ZC3H7B: variants seen among roughly 807,000 people sequenced by gnomAD.
ZC3H7B encodes the protein zinc finger CCCH domain-containing protein 7B.
Under a neutral mutation model 116.0 loss-of-function variants are expected in ZC3H7B, and 35 were observed. The observed-to-expected ratio is 0.30, with a 90% CI of 0.23 to 0.40. ZC3H7B has a LOEUF of 0.40. Ranked by LOEUF, ZC3H7B falls within the 10% of genes least tolerant of loss-of-function variation. The pLI, the probability that ZC3H7B is intolerant of heterozygous loss-of-function variation, is 1.00. For missense variants in ZC3H7B, 1,011 were observed against 1,321.5 expected (o/e 0.77, Z 3.64); for synonymous variants, 502 against 545.6 (o/e 0.92, Z 1.11).
rs1601794011 is a variant in ZC3H7B at position 41,349,447 on chromosome 22, G to A, written c.1948+146G>A. On this transcript the variant is annotated intron_variant, in intron 16 of 22. Transcript: ENST00000352645. The surrounding 1 kb of genome is among the most constrained non-coding windows in gnomAD (Gnocchi z 4.9). Reference sequence around the variant, plus strand: ...GCTTCGGGAGAGTTCAGGAGAGGTGGCTGCGGGGTGGGCTCTCTGTGTGTC... The same window carrying A: ...GCTTCGGGAGAGTTCAGGAGAGGTGACTGCGGGGTGGGCTCTCTGTGTGTC... 2 of 1,049,002 alleles carry A rather than the reference G, an allele frequency of 1.9e-6. No individual in the cohort carries two copies. Among genetic ancestry groups the A allele is most frequent in the East Asian group, 5.2e-5 (2 of 38,262 alleles). 65.0% of individuals were successfully genotyped at this position (1,049,002 alleles called of 1,614,324 possible).
intron 7 of ZC3H7B, chr22:41,335,318 G>T (rs1190953625): frequency 6.6e-6 from 1 of 152,234 alleles, no homozygotes; most frequent in Non-Finnish European, 1.5e-5. Flanking sequence ...GAATTACAAT[G>T]GGTCAATGTG....
chr22:41,347,708 A>T (rs1205039820), intron 14 of ZC3H7B, among the ~76,000 whole-genome samples: 1 of 152,148 alleles, frequency 6.6e-6, no homozygotes, highest in Non-Finnish European at 1.5e-5. Context: ...AACCCCCCAC[A>T]GGGAGCATTG....
intron 2 of ZC3H7B, among the ~76,000 whole-genome samples, chr22:41,324,914 C>T (rs1400840720): frequency 6.6e-6 from 1 of 152,176 alleles, no homozygotes; most frequent in African/African-American, 2.4e-5. Context: ...CTGTCCCTGG[C>T]ACTCCTGCTG....
chr22:41,322,049 T>C (rs111500755), intron 2 of ZC3H7B, among the ~76,000 whole-genome samples: 5,715 of 149,470 alleles, frequency 0.038, 343 homozygotes, highest in African/African-American at 0.13. Flanking sequence ...CCGTTTTAGC[T>C]GGGATGGTCT....
intron 4 of ZC3H7B, 115 bp downstream of exon 4, chr22:41,326,033 C>G: frequency 8.2e-7 from 1 of 1,225,290 alleles, no homozygotes; most frequent in Non-Finnish European, 1.1e-6. Flanking sequence ...CTCCTCCCAG[C>G]CTGCTTTCAG....
At position 41,349,446 on chromosome 22, in the gene ZC3H7B, G is replaced by T. The variant is rs1215615064; in HGVS notation, c.1948+145G>T. ...GGCTTCGGGAGAGTTCAGGAGAGGTGGCTGCGGGGTGGGCTCTCTGTGTGT... is the reference window on the plus strand; with the variant it reads ...GGCTTCGGGAGAGTTCAGGAGAGGTTGCTGCGGGGTGGGCTCTCTGTGTGT... On this transcript the variant is annotated intron_variant, in intron 16 of 22. Coordinates refer to ENST00000352645, the MANE Select transcript of ZC3H7B (RefSeq NM_017590.6). This position sits in a 1 kb window ranked among gnomAD's most constrained non-coding sequence, Gnocchi z 4.9. 1 of 1,076,712 alleles carries T rather than the reference G, an allele frequency of 9.3e-7. No homozygotes were observed. Among genetic ancestry groups the T allele is most frequent in the Non-Finnish European group, 1.3e-6 (1 of 761,884 alleles). The allele number at this position is 1,076,712 out of a possible 1,614,324, so 66.7% of individuals were successfully genotyped here. A position where few individuals can be genotyped will look rare whatever the true frequency, so the allele number is the denominator to read the frequency against.
In ZC3H7B at chr22:41,327,425, G is replaced by A; in HGVS notation, c.444+61G>A. ...CAGAGGCCAGGCTTCTGACCTTCCG[G>A]CCCTCACTTGGGCCCAGCCACCACA... is the stretch of plus-strand genomic sequence containing the variant. On this transcript the variant is annotated intron_variant, in intron 5 of 22. Coordinates refer to ENST00000352645, the MANE Select transcript of ZC3H7B (RefSeq NM_017590.6). The surrounding 1 kb of genome is among the most constrained non-coding windows in gnomAD (Gnocchi z 4.5). 9.5e-6 allele frequency: 15 copies of A among 1,577,042 alleles called. No individual in the cohort carries two copies. The highest frequency in any genetic ancestry group is 1.2e-5 in the Non-Finnish European group (14 of 1,165,912).
At chr22:41,337,671 A>T (rs753590631) in intron 7 of ZC3H7B, among the ~76,000 whole-genome samples, 26 of 151,878 alleles carry the variant, frequency 1.7e-4, no homozygotes, top group Non-Finnish European at 2.6e-4. Flanking sequence ...GCTTGCTAAG[A>T]CCCTTGCCAC....
chr22:41,329,031 CAAA>C (rs905189346), intron 5 of ZC3H7B, among the ~76,000 whole-genome samples: 1,299 of 40,436 alleles, frequency 0.032, 19 homozygotes, highest in African/African-American at 0.087. Flanking sequence ...TACTAAAATA[CAAA>C]AAAAAAAAAA....
At chr22:41,347,907 G>C (rs1324697123) in intron 14 of ZC3H7B, among the ~76,000 whole-genome samples, 160 bp from the exon 15 acceptor site, 1 of 152,164 alleles carries the variant, frequency 6.6e-6, no homozygotes, top group Non-Finnish European at 1.5e-5. Context: ...GAAGCAGAGA[G>C]GCAAGACCAC....
Position 41,327,386 on chromosome 22 carries a change from C to T in ZC3H7B, c.444+22C>T, listed in dbSNP as rs771401534. The T allele has an allele frequency of 7.9e-5, 127 of 1,604,442 alleles. No homozygotes were observed. The highest frequency in any genetic ancestry group is 5.0e-5 in the Admixed American group (3 of 59,958). ...CCACGTGAGTGTGGCTCTGCAGCCA[C>T]GCCGGTGCCTGCTCAGAGGCCAGGC... On this transcript the variant is annotated intron_variant, in intron 5 of 22. Coordinates refer to ENST00000352645, the MANE Select transcript of ZC3H7B (RefSeq NM_017590.6). This position sits in a 1 kb window ranked among gnomAD's most constrained non-coding sequence, Gnocchi z 4.5.
In ZC3H7B at chr22:41,323,911, A is replaced by G. The variant is rs536082416; in HGVS notation, c.54-1653A>G. Among the ~76,000 whole-genome samples the G allele has an allele frequency of 1.1e-4, 16 of 152,304 alleles. No individual in the cohort carries two copies. In the East Asian group the frequency reaches 2.3e-3, roughly 22 times the overall value. ...TGGTGAAACCCTGTCTCTACTAAAA[A>G]TACAAAAAATTAGCCAGGCGTGGTG... On this transcript the variant is annotated intron_variant, in intron 2 of 22. Transcript: ENST00000352645.
Position 41,338,867 on chromosome 22 carries a change from TG to T in ZC3H7B, c.626-130del. The T allele has an allele frequency of 9.6e-7, 1 of 1,040,616 alleles. No homozygotes were observed. The highest frequency in any genetic ancestry group is 1.4e-6 in the Non-Finnish European group (1 of 732,990). 64.5% of individuals were successfully genotyped at this position (1,040,616 alleles called of 1,614,324 possible). Reference sequence around the variant, plus strand: ...AGCATCTGCCAGTGGGATCAGCCGATGGGGAAGGCAGGGCTCCTGGCAAGAG... The same window carrying T: ...AGCATCTGCCAGTGGGATCAGCCGATGGGAAGGCAGGGCTCCTGGCAAGAG... On this transcript the variant is annotated intron_variant, in intron 8 of 22. Coordinates refer to ENST00000352645, the MANE Select transcript of ZC3H7B (RefSeq NM_017590.6). The surrounding 1 kb of genome is among the most constrained non-coding windows in gnomAD (Gnocchi z 4.5).
intron 15 of ZC3H7B, 122 bp from the exon 16 acceptor site, chr22:41,348,998 T>G: frequency 4.6e-6 from 5 of 1,085,986 alleles, no homozygotes; most frequent in Non-Finnish European, 5.3e-6. Flanking sequence ...ATGGCCTGGA[T>G]TTGGTACATA....
In ZC3H7B at chr22:41,301,694, T is replaced by C. The variant is rs2035966273; in HGVS notation, c.-85T>C. The C allele has an allele frequency of 6.6e-6, 1 of 152,116 alleles. No individual in the cohort carries two copies. The highest frequency in any genetic ancestry group is 1.9e-4 in the East Asian group (1 of 5,182). The allele number at this position is 152,116 out of a possible 1,614,324, so 9.4% of individuals were successfully genotyped here. A position where few individuals can be genotyped will look rare whatever the true frequency, so the allele number is the denominator to read the frequency against. On this transcript the variant is annotated 5_prime_UTR_variant, in exon 1 of 23. Coordinates refer to ENST00000352645, the MANE Select transcript of ZC3H7B (RefSeq NM_017590.6). The stretch of plus-strand genomic sequence containing the variant: ...TTACTCTTATTATTACTAATAATAA[T>C]AACGTAATCATACCTCTAGTCATAG...
intron 13 of ZC3H7B, among the ~76,000 whole-genome samples, chr22:41,344,580 C>T (rs2036562178): frequency 6.6e-6 from 1 of 152,210 alleles, no homozygotes; most frequent in Non-Finnish European, 1.5e-5. Context: ...GCGGTGCTTC[C>T]CCTTGCAATC....
Position 41,346,106 on chromosome 22 carries a change from C to T in ZC3H7B, c.1563C>T (p.Asn521=), listed in dbSNP as rs768220387. 1 of 1,613,774 alleles carries T rather than the reference C, an allele frequency of 6.2e-7. No individual in the cohort carries two copies. Among genetic ancestry groups the T allele is most frequent in the Non-Finnish European group, 8.5e-7 (1 of 1,180,020 alleles). The change falls in exon 14 of 23, where the codon AAC becomes AAT. Residue 521 remains asparagine, a synonymous_variant. Transcript: ENST00000352645. The surrounding 1 kb of genome is among the most constrained non-coding windows in gnomAD (Gnocchi z 5.3). ...VWTEERKGTL[N]RDLLFDPLGG... ...CCGAGGAGCGGAAGGGCACCCTCAA[C>T]CGCGACCTGCTCTTCGACCCGCTGG...
intron 1 of ZC3H7B, among the ~76,000 whole-genome samples, chr22:41,309,235 C>G (rs1339777761): frequency 6.6e-6 from 1 of 152,056 alleles, no homozygotes; most frequent in African/African-American, 2.4e-5. Context: ...TGGTCTCGAT[C>G]TCCTGACCTC....
At chr22:41,307,455 G>A (rs2036059424) in intron 1 of ZC3H7B, among the ~76,000 whole-genome samples, 1 of 152,140 alleles carries the variant, frequency 6.6e-6, no homozygotes, top group African/African-American at 2.4e-5. Context: ...TCTCCCCACC[G>A]GGCTATGGAG....
Sources: gnomAD v4.1 joint callset for allele counts (sites outside exome capture counted in the v4.1 genomes callset) on GRCh38, gnomAD v4.1.1 for gene constraint, Gnocchi (gnomAD v3.1) non-coding constraint, MANE v1.5 for transcripts, NCBI Gene and HGNC (gene_info 2026-07-23, HGNC 2026-07-21) for gene names.